Variants in ETNPPL observed in about 807,000 individuals in gnomAD.
The protein encoded by ETNPPL is alanine--glyoxylate aminotransferase 2-like 1.
A neutral mutation model predicts 55.5 loss-of-function variants in ETNPPL; 30 were observed. The observed-to-expected ratio is 0.54, with a 90% CI of 0.40 to 0.73. The LOEUF (loss-of-function observed/expected upper bound fraction) is 0.73. ETNPPL is among the 30% of genes least tolerant of loss of function. The probability of loss-of-function intolerance (pLI) is 0.00; values close to 1 mark genes in which losing one functional copy is unlikely to be tolerated. For synonymous variants in ETNPPL, 202 were observed against 207.2 expected, an observed-to-expected ratio of 0.98 and a Z score of 0.21; for missense variants, 528 against 607.9, an observed-to-expected ratio of 0.87 and a Z score of 1.38.
chr4:108,742,659 C>T (rs758773431), intron 12 of ETNPPL, 47 bp from the exon 13 acceptor site: 1 of 1,610,958 alleles, frequency 6.2e-7, no homozygotes. Context: ...ACCTCTAATC[C>T]AGCCTCCACA....
At chr4:108,760,824 G>A (rs754096543) in intron 1 of ETNPPL, among the ~76,000 whole-genome samples, 6 of 152,190 alleles carry the variant, frequency 3.9e-5, no homozygotes, top group African/African-American at 9.7e-5. Flanking sequence ...GACAGTAAAT[G>A]AGAAAACCAG....
chr4:108,748,141 A>T lies in ETNPPL; in HGVS notation c.946T>A (p.Ser316Thr). 6.3e-7 allele frequency: 1 copy of T among 1,594,656 alleles called. No homozygotes were observed. Among genetic ancestry groups the T allele is most frequent in the South Asian group, 1.2e-5 (1 of 86,888 alleles). Residue 316 changes from serine (S) to threonine (T), a missense_variant, in exon 9 of 13, where the codon TCT becomes ACT. Coordinates refer to ENST00000296486, the MANE Select transcript of ETNPPL (RefSeq NM_031279.4). ...AGGACAGCCAAACCAACAGCACAAG[A>T]TACTGGATTTCCTCCATACTGTAAA... ...YFNTYGGNPV[S>T]CAVGLAVLDI...
rs765408461 is a variant in ETNPPL, at chr4:108,756,457, C to T, written c.371G>A (p.Arg124Gln). 21 of 1,613,948 alleles carry T rather than the reference C, an allele frequency of 1.3e-5. No homozygotes were observed. Among genetic ancestry groups the T allele is most frequent in the South Asian group, 3.3e-5 (3 of 91,074 alleles). ...CACATCCTGGTGGCCTCTGAACTGCCGAGCCAGGCGTAAGGCTAAGTCGTT... is the reference window on the plus strand; with the variant it reads ...CACATCCTGGTGGCCTCTGAACTGCTGAGCCAGGCGTAAGGCTAAGTCGTT... ...EANDLALRLA[R>Q]QFRGHQDVIT... The change falls in exon 4 of 13, where the codon CGG (arginine) becomes CAG (glutamine). Residue 124 changes from arginine (R) to glutamine (Q), a missense_variant. Physicochemically the swap from Arg to Gln is conservative, Grantham distance 43. Coordinates refer to ENST00000296486, the MANE Select transcript of ETNPPL (RefSeq NM_031279.4).
chr4:108,744,256 G>C (rs1728356780), intron 11 of ETNPPL, among the ~76,000 whole-genome samples: 1 of 148,688 alleles, frequency 6.7e-6, no homozygotes, highest in Admixed American at 6.7e-5. Context: ...GTGAGACTCT[G>C]TCTCAAAAAG....
intron 11 of ETNPPL, among the ~76,000 whole-genome samples, chr4:108,744,711 T>C (rs981612041): frequency 1.3e-4 from 20 of 149,470 alleles, no homozygotes; most frequent in Admixed American, 1.3e-3. Flanking sequence ...GTAGAGAAGT[T>C]GAAATTTTTT....
chr4:108,748,763 G>T (rs1486312174), intron 8 of ETNPPL, among the ~76,000 whole-genome samples: 1 of 152,046 alleles, frequency 6.6e-6, no homozygotes, highest in Non-Finnish European at 1.5e-5. Context: ...ATTTAAGTAT[G>T]ATATGAAACA....
At chr4:108,748,387 A>C (rs778358906) in intron 8 of ETNPPL, among the ~76,000 whole-genome samples, 13 of 152,208 alleles carry the variant, frequency 8.5e-5, no homozygotes, top group Non-Finnish European at 1.8e-4. Context: ...AACTGGTATG[A>C]AGGACTACCA....
At chr4:108,750,492 C>T (rs1026920092) in intron 7 of ETNPPL, among the ~76,000 whole-genome samples, 64 of 78,398 alleles carry the variant, frequency 8.2e-4, no homozygotes, top group Non-Finnish European at 1.6e-3. Context: ...TACTTAATAC[C>T]GCCGTGTGTG....
rs1176474178 is a variant in ETNPPL, at chr4:108,752,903, C to T, written c.610G>A (p.Gly204Arg). The change falls in exon 6 of 13, where the codon GGA becomes AGA. Residue 204 changes from glycine (G) to arginine (R), a missense_variant. Gly to Arg is a moderately radical substitution (Grantham distance 125, BLOSUM62 -2). Coordinates refer to ENST00000296486, the MANE Select transcript of ETNPPL (RefSeq NM_031279.4). ...KKIIEDAHNS[G>R]RKIAAFIAES... is the part of the protein sequence containing the mutation. Reference sequence around the variant, plus strand: ...AAGCTATAAATACAAACCTTCCTTCCACTGTTATGAGCATCTTCAATGATT... The same window carrying T: ...AAGCTATAAATACAAACCTTCCTTCTACTGTTATGAGCATCTTCAATGATT... 1.3e-6 allele frequency: 2 copies of T among 1,578,546 alleles called. No homozygotes were observed. Among genetic ancestry groups the T allele is most frequent in the East Asian group, 4.5e-5 (2 of 44,566 alleles).
chr4:108,760,363 C>T (rs1729457625), intron 1 of ETNPPL, 57 bp from the exon 2 acceptor site: 1 of 966,114 alleles, frequency 1.0e-6, no homozygotes, highest in Non-Finnish European at 1.6e-6. Context: ...AGTATTTTTC[C>T]TTCTCAATGA....
Position 108,742,053 on chromosome 4 carries a change from C to G in ETNPPL, c.*431G>C, listed in dbSNP as rs1728242037. On this transcript the variant is annotated 3_prime_UTR_variant, in exon 13 of 13. Transcript: ENST00000296486. ...CTTTTCTAGTAATTTTTTTTGTTTA[C>G]ATCATATTTTATTTTATTACAGTCA... 6.6e-6 allele frequency: 1 copy of G among 152,562 alleles called. No individual in the cohort carries two copies. Among genetic ancestry groups the G allele is most frequent in the Non-Finnish European group, 1.5e-5 (1 of 68,388 alleles). The allele number at this position is 152,562 out of a possible 1,614,324, so 9.5% of individuals were successfully genotyped here.
chr4:108,748,300 T>C lies in ETNPPL; in HGVS notation c.928-141A>G, dbSNP rs180984735. ...GTTCTCTTATAATATTAGTTTCTCATATTTAGAATAGAGCATGATTCTATA... is the reference window on the plus strand; with the variant it reads ...GTTCTCTTATAATATTAGTTTCTCACATTTAGAATAGAGCATGATTCTATA... On this transcript the variant is annotated intron_variant, in intron 8 of 12. Transcript: ENST00000296486. 7.3e-4 allele frequency: 429 copies of C among 584,722 alleles called. 1 individual carries two copies. In the African/African-American group the frequency reaches 7.6e-3, roughly 10 times the overall value. 36.2% of individuals were successfully genotyped at this position (584,722 alleles called of 1,614,324 possible). A position where few individuals can be genotyped will look rare whatever the true frequency, so the allele number is the denominator to read the frequency against.
chr4:108,749,561 T>G (rs898583847), intron 7 of ETNPPL, 98 bp from the exon 8 acceptor site: 2 of 874,428 alleles, frequency 2.3e-6, no homozygotes, highest in Admixed American at 2.4e-5. Flanking sequence ...AAAAAAGTTG[T>G]TAACCTGAAG....
In ETNPPL at chr4:108,742,599, G is replaced by C; in HGVS notation, c.1385C>G (p.Ala462Gly). ...TPCKTKMLKE[A>G]HIELLRDSTT... is the part of the protein sequence containing the mutation. Reference sequence around the variant, plus strand: ...GCTGTCCCTAAGCAGTTCTATGTGGGCTTCTTTCAGCATCTGCAAGACAGG... The same window carrying C: ...GCTGTCCCTAAGCAGTTCTATGTGGCCTTCTTTCAGCATCTGCAAGACAGG... Residue 462 changes from alanine to glycine, a missense_variant, in exon 13 of 13, where the codon GCC (alanine) becomes GGC (glycine). Ala to Gly is a moderately conservative substitution (Grantham distance 60). Transcript: ENST00000296486. The C allele has an allele frequency of 1.2e-6, 2 of 1,613,964 alleles. No individual in the cohort carries two copies. Among genetic ancestry groups the C allele is most frequent in the Non-Finnish European group, 1.7e-6 (2 of 1,179,998 alleles).
chr4:108,748,163 T>TAAA lies in ETNPPL; in HGVS notation c.928-7_928-5dup. On this transcript the variant is annotated splice_region_variant and splice_polypyrimidine_tract_variant and intron_variant, in intron 8 of 12. Coordinates refer to ENST00000296486, the MANE Select transcript of ETNPPL (RefSeq NM_031279.4). ...AAGATACTGGATTTCCTCCATACTG[T>TAAA]AAAAAAAAAAAAGACAAATGAGAAA... is the stretch of plus-strand genomic sequence containing the variant. The TAAA allele has an allele frequency of 7.5e-7, 1 of 1,334,878 alleles. No individual in the cohort carries two copies. The highest frequency in any genetic ancestry group is 1.0e-6 in the Non-Finnish European group (1 of 990,938). The allele number at this position is 1,334,878 out of a possible 1,614,324, so 82.7% of individuals were successfully genotyped here.
rs139456316 is a variant in ETNPPL, at chr4:108,743,801, T to C, written c.1359A>G (p.Pro453=). 3 of 1,608,982 alleles carry C rather than the reference T, an allele frequency of 1.9e-6. No individual in the cohort carries two copies. Among genetic ancestry groups the C allele is most frequent in the African/African-American group, 1.3e-5 (1 of 74,800 alleles). ...KTESVTSENT[P]CKTKMLKEAH... is the part of the protein sequence containing the mutation. The stretch of plus-strand genomic sequence containing the variant: ...AGCCAACCCTTACCTTTGTTTTGCA[T>C]GGAGTATTCTCAGAGGTCACACTTT... Residue 453 remains proline, a synonymous_variant, in exon 12 of 13, where the codon CCA becomes CCG. Transcript: ENST00000296486.
intron 1 of ETNPPL, 151 bp downstream of exon 1, chr4:108,762,692 G>C: frequency 2.0e-6 from 2 of 976,828 alleles, no homozygotes; most frequent in Middle Eastern, 4.1e-4. Context: ...GGCCCCTGCA[G>C]GTGGAGGCGC....
intron 6 of ETNPPL, 35 bp from the exon 7 acceptor site, chr4:108,751,053 G>A: frequency 6.7e-7 from 1 of 1,493,620 alleles, no homozygotes; most frequent in East Asian, 2.3e-5. Flanking sequence ...AGTCCATTAG[G>A]TCCCCCTACA....
chr4:108,757,821 T>C (rs574239766), intron 3 of ETNPPL, among the ~76,000 whole-genome samples: 5 of 148,134 alleles, frequency 3.4e-5, no homozygotes, highest in Non-Finnish European at 7.4e-5. Context: ...ATGTAACCCC[T>C]ATGGGTTACA....
Sources: gnomAD v4.1 joint callset for allele counts (sites outside exome capture counted in the v4.1 genomes callset) on GRCh38, gnomAD v4.1.1 for gene constraint, MANE v1.5 for transcripts, NCBI Gene and HGNC (gene_info 2026-07-23, HGNC 2026-07-21) for gene names.